The following CUX1 variants were observed in gnomAD, a reference collection of about 807,000 sequenced individuals.
The protein encoded by CUX1 is cut like homeobox 1, also known as protein CASP.
A neutral mutation model predicts 158.8 loss-of-function variants in CUX1; 31 were observed. The observed-to-expected ratio is 0.20, with a 90% CI of 0.15 to 0.26. CUX1 has a LOEUF of 0.26. Ranked by LOEUF, CUX1 falls within the 10% of genes least tolerant of loss-of-function variation. The pLI, the probability that CUX1 is intolerant of heterozygous loss-of-function variation, is 1.00. For missense variants in CUX1, 1,589 were observed against 2,014.6 expected, an observed-to-expected ratio of 0.79 and a Z score of 4.04; for synonymous variants, 879 against 862.1, an observed-to-expected ratio of 1.02 and a Z score of -0.34.
intron 2 of CUX1, among the ~76,000 whole-genome samples, chr7:101,977,502 C>T (rs536658593): frequency 2.6e-5 from 4 of 152,200 alleles, no homozygotes; most frequent in East Asian, 3.9e-4. Flanking sequence ...TTTAGCCAGG[C>T]ATGATGGTGC....
At chr7:102,265,764 C>T (rs1362318445) in intron 14 of CUX1, among the ~76,000 whole-genome samples, 1 of 152,094 alleles carries the variant, frequency 6.6e-6, no homozygotes, top group African/African-American at 2.4e-5. Context: ...CTGGCTGCTG[C>T]TTGGTGCCCA....
chr7:101,902,259 A>C (rs1802233992), intron 1 of CUX1, among the ~76,000 whole-genome samples: 1 of 152,178 alleles, frequency 6.6e-6, no homozygotes, highest in Non-Finnish European at 1.5e-5. Flanking sequence ...CCGGTCAGTC[A>C]TCTGATCATC....
chr7:102,038,499 C>G (rs1339209552), intron 3 of CUX1, among the ~76,000 whole-genome samples: 1 of 152,174 alleles, frequency 6.6e-6, no homozygotes, highest in Non-Finnish European at 1.5e-5. Flanking sequence ...ATTAAAATAA[C>G]TCATCTGCAA....
chr7:101,879,290 C>A (rs539206633), intron 1 of CUX1, among the ~76,000 whole-genome samples: 81 of 151,908 alleles, frequency 5.3e-4, no homozygotes, highest in African/African-American at 1.9e-3. Context: ...CCTCCCCTGT[C>A]CCCCCTTCAC....
intron 2 of CUX1, among the ~76,000 whole-genome samples, chr7:101,936,727 C>G (rs533006373): frequency 1.8e-4 from 28 of 152,258 alleles, no homozygotes; most frequent in Admixed American, 1.8e-3. Flanking sequence ...CCTGCCATCC[C>G]CACCGGCCTC....
At chr7:102,087,644 T>A (rs1303261352) in intron 4 of CUX1, among the ~76,000 whole-genome samples, 2 of 152,180 alleles carry the variant, frequency 1.3e-5, no homozygotes, top group African/African-American at 4.8e-5. Flanking sequence ...AATACACCAT[T>A]TCACATACAA....
rs781968348 is a variant in CUX1 at position 102,178,590 on chromosome 7, G to A, written c.950G>A (p.Arg317Gln). ...QRLQASLTKL[R>Q]ENSASQISQL... ...CTCCAGGCCAGCCTCACCAAGCTGC[G>A]GGAGAATTCGGCCAGCCAGATCTCA... The change falls in exon 11 of 24, where the codon CGG becomes CAG. Residue 317 changes from arginine (R) to glutamine (Q), a missense_variant. Physicochemically the swap from Arg to Gln is conservative, Grantham distance 43. Coordinates refer to ENST00000292535, the MANE Select transcript of CUX1 (RefSeq NM_181552.4). The A allele has an allele frequency of 1.2e-5, 20 of 1,611,562 alleles. No homozygotes were observed. Among genetic ancestry groups the A allele is most frequent in the East Asian group, 6.7e-5 (3 of 44,750 alleles).
intron 1 of CUX1, among the ~76,000 whole-genome samples, chr7:101,907,825 A>G (rs1041204359): frequency 2.6e-5 from 4 of 152,194 alleles, no homozygotes; most frequent in Admixed American, 6.5e-5. Context: ...AGATTTTAAA[A>G]TATCAATGTT....
At chr7:102,081,410 C>T (rs1344699857) in intron 4 of CUX1, among the ~76,000 whole-genome samples, 1 of 146,346 alleles carries the variant, frequency 6.8e-6, no homozygotes, top group African/African-American at 2.4e-5. Flanking sequence ...GGGGCAGTTT[C>T]CCCGTGGCTG....
intron 9 of CUX1, among the ~76,000 whole-genome samples, chr7:102,168,768 G>T (rs532183540): frequency 1.3e-5 from 2 of 151,854 alleles, no homozygotes; most frequent in South Asian, 2.1e-4. Flanking sequence ...TAATCAGCCA[G>T]TTCCAGGACA....
chr7:102,009,278 G>A (rs879722117), intron 2 of CUX1, among the ~76,000 whole-genome samples: 3 of 152,172 alleles, frequency 2.0e-5, no homozygotes, highest in African/African-American at 4.8e-5. Context: ...ACAGTGGAGT[G>A]GCTGTCATGA....
chr7:101,902,938 T>C (rs1045453939), intron 1 of CUX1, among the ~76,000 whole-genome samples: 3 of 152,220 alleles, frequency 2.0e-5, no homozygotes, highest in African/African-American at 7.2e-5. Context: ...TAATGGCTGA[T>C]GTTTCTTAAT....
intron 1 of CUX1, among the ~76,000 whole-genome samples, chr7:101,902,505 T>C (rs1802264552): frequency 6.6e-6 from 1 of 152,198 alleles, no homozygotes; most frequent in African/African-American, 2.4e-5. Context: ...TTAGATGAAA[T>C]GTAATCCACA....
At chr7:101,859,861 TTTTC>T (rs1484665474) in intron 1 of CUX1, among the ~76,000 whole-genome samples, 3 of 151,870 alleles carry the variant, frequency 2.0e-5, no homozygotes, top group East Asian at 1.9e-4. Context: ...CTTCTTTCCT[TTTTC>T]TTTCTTTTCT....
At chr7:101,950,101 C>T (rs1031248302) in intron 2 of CUX1, among the ~76,000 whole-genome samples, 48 of 152,152 alleles carry the variant, frequency 3.2e-4, no homozygotes, top group Non-Finnish European at 1.0e-4. Context: ...ACCTCCGCCT[C>T]CTGGGTTTAA....
At chr7:101,900,766 A>AT (rs1476385174) in intron 1 of CUX1, among the ~76,000 whole-genome samples, 1 of 152,184 alleles carries the variant, frequency 6.6e-6, no homozygotes, top group Non-Finnish European at 1.5e-5. Context: ...GAAAAAAAAA[A>AT]GCCAAACCTG....
rs573223859 is a variant in CUX1, at chr7:102,057,844, G to T, written c.190-12495G>T. 4.6e-5 allele frequency among the ~76,000 whole-genome samples: 7 copies of T among 152,302 alleles called. No individual in the cohort carries two copies. In the South Asian group the frequency reaches 1.0e-3, roughly 23 times the overall value. On this transcript the variant is annotated intron_variant, in intron 3 of 23. Coordinates refer to ENST00000292535, the MANE Select transcript of CUX1 (RefSeq NM_181552.4). ...ACTGAGTTGATAAAGCAGTGACTGG[G>T]TTTGAGAGGATTGACTCCTATTTTT...
At chr7:101,965,267 C>G (rs1488938694) in intron 2 of CUX1, among the ~76,000 whole-genome samples, 1 of 152,174 alleles carries the variant, frequency 6.6e-6, no homozygotes, top group Non-Finnish European at 1.5e-5. Context: ...GGGCGAGGCA[C>G]TGTGCGGCGG....
chr7:102,122,991 G>C (rs1379542728), intron 8 of CUX1, among the ~76,000 whole-genome samples: 2 of 152,194 alleles, frequency 1.3e-5, no homozygotes, highest in Non-Finnish European at 1.5e-5. Flanking sequence ...AGAACTCTGG[G>C]AGGCCGAGAT....
Sources: allele counts gnomAD v4.1 joint callset (sites outside exome capture counted in the v4.1 genomes callset), GRCh38; gene constraint gnomAD v4.1.1; transcripts MANE v1.5; gene names NCBI Gene and HGNC (gene_info 2026-07-23, HGNC 2026-07-21).